NTM: variants seen among roughly 807,000 people sequenced by gnomAD.
The protein encoded by NTM is neurotrimin.
NTM carries 13 observed loss-of-function variants against 42.1 expected under a neutral mutation model. The observed-to-expected ratio is 0.31, with a 90% CI of 0.20 to 0.49. The LOEUF is 0.49. NTM is among the 20% of genes least tolerant of loss of function. The pLI is 0.99. For synonymous variants in NTM, 187 were observed against 179.2 expected, an observed-to-expected ratio of 1.04 and a Z score of -0.35; for missense variants, 373 against 452.8, an observed-to-expected ratio of 0.82 and a Z score of 1.60.
chr11:132,004,264 T>C (rs1390555383), intron 2 of NTM, among the ~76,000 whole-genome samples: 1 of 152,198 alleles, frequency 6.6e-6, no homozygotes, highest in Non-Finnish European at 1.5e-5. Flanking sequence ...ATTATATATA[T>C]TCAAAATACA....
chr11:131,417,063 G>T (rs1947036262), intron 1 of NTM, among the ~76,000 whole-genome samples: 1 of 152,024 alleles, frequency 6.6e-6, no homozygotes, highest in Non-Finnish European at 1.5e-5. Flanking sequence ...TAGTTTAATG[G>T]CTAATGAATT....
Position 131,790,944 on chromosome 11 carries a change from C to A in NTM, c.83-120620C>A, listed in dbSNP as rs145111768. Among the ~76,000 whole-genome samples the A allele has an allele frequency of 5.4e-4, 83 of 152,312 alleles. 2 individuals are homozygous for A. The highest frequency in any genetic ancestry group is 1.8e-3 in the African/African-American group (73 of 41,576). ...AGCAATCTCTATCACACTCAGAATA[C>A]AAATAGCAGCAATAACTACTACTAA... On this transcript the variant is annotated intron_variant, in intron 1 of 8. Transcript: ENST00000683400.
chr11:132,114,705 C>A (rs565263502), intron 2 of NTM, among the ~76,000 whole-genome samples: 28 of 152,312 alleles, frequency 1.8e-4, no homozygotes, highest in African/African-American at 5.1e-4. Flanking sequence ...TCTTGGAGAT[C>A]ATCAAGTTTA....
At chr11:131,494,388 A>G (rs144425317) in intron 1 of NTM, among the ~76,000 whole-genome samples, 178 of 152,348 alleles carry the variant, frequency 1.2e-3, no homozygotes, top group African/African-American at 4.1e-3. Context: ...GTGCCATGGA[A>G]TATAAAATCC....
intron 1 of NTM, among the ~76,000 whole-genome samples, chr11:131,838,330 A>G (rs1289794335): frequency 1.3e-5 from 2 of 152,178 alleles, no homozygotes; most frequent in Admixed American, 1.3e-4. Context: ...TGGGAAACAC[A>G]AAAATAGTAC....
At chr11:131,512,220 C>T (rs1272176586) in intron 1 of NTM, among the ~76,000 whole-genome samples, 2 of 152,352 alleles carry the variant, frequency 1.3e-5, no homozygotes, top group African/African-American at 2.4e-5. Flanking sequence ...TGCATGCACA[C>T]GGTGGCATGT....
intron 2 of NTM, among the ~76,000 whole-genome samples, chr11:132,111,313 T>A (rs925251343): frequency 6.6e-6 from 1 of 151,766 alleles, no homozygotes; most frequent in Non-Finnish European, 1.5e-5. Context: ...TACATATATA[T>A]TTTTTCTTGA....
At chr11:132,315,435 A>T (rs984125362) in intron 7 of NTM, among the ~76,000 whole-genome samples, 4 of 152,152 alleles carry the variant, frequency 2.6e-5, no homozygotes, top group African/African-American at 7.2e-5. Context: ...ATGAACGCAG[A>T]TTCTCCCTAA....
At chr11:131,391,250 T>C (rs918656607) in intron 1 of NTM, among the ~76,000 whole-genome samples, 2 of 152,110 alleles carry the variant, frequency 1.3e-5, no homozygotes, top group African/African-American at 4.8e-5. Context: ...GTACCCTTAT[T>C]CATTCTCACG....
At chr11:131,831,073 C>A (rs1338489922) in intron 1 of NTM, among the ~76,000 whole-genome samples, 1 of 152,094 alleles carries the variant, frequency 6.6e-6, no homozygotes, top group Non-Finnish European at 1.5e-5. Context: ...TTGGTAGAGT[C>A]TTTAGGGTTT....
intron 2 of NTM, among the ~76,000 whole-genome samples, chr11:131,995,873 G>A (rs1330402324): frequency 1.3e-5 from 2 of 151,556 alleles, no homozygotes; most frequent in Admixed American, 6.6e-5. Flanking sequence ...AGGAATTAAG[G>A]CAGGTAAGGG....
chr11:132,027,491 T>A (rs1158080394), intron 2 of NTM, among the ~76,000 whole-genome samples: 1 of 152,246 alleles, frequency 6.6e-6, no homozygotes, highest in East Asian at 1.9e-4. Flanking sequence ...CTTTCACCTT[T>A]GACGAATAAT....
intron 2 of NTM, among the ~76,000 whole-genome samples, chr11:132,076,774 G>T (rs2058422788): frequency 6.6e-6 from 1 of 152,034 alleles, no homozygotes; most frequent in African/African-American, 2.4e-5. Context: ...TTATTGCATA[G>T]GGCTACATTG....
chr11:131,464,577 GCCCCCTCCCCAACT>G (rs1951717389), intron 1 of NTM, among the ~76,000 whole-genome samples: 1 of 151,524 alleles, frequency 6.6e-6, no homozygotes, highest in Admixed American at 6.6e-5. Context: ...TTTCCTTACT[GCCCCCTCCCCAACT>G]CCCAATTTGG....
intron 1 of NTM, among the ~76,000 whole-genome samples, chr11:131,887,540 T>G (rs1456200029): frequency 6.6e-6 from 1 of 152,218 alleles, no homozygotes; most frequent in Non-Finnish European, 1.5e-5. Context: ...CTACAAATTA[T>G]CTGATTCCGC....
intron 2 of NTM, among the ~76,000 whole-genome samples, chr11:131,934,971 C>A (rs2059052721): frequency 6.6e-6 from 1 of 152,204 alleles, no homozygotes; most frequent in South Asian, 2.1e-4. Flanking sequence ...CAGGACGCTG[C>A]TGCCTGGCCT....
intron 1 of NTM, among the ~76,000 whole-genome samples, chr11:131,826,524 T>C (rs1486443325): frequency 3.3e-5 from 5 of 150,270 alleles, no homozygotes. Flanking sequence ...ATAGACAGGC[T>C]TGGACAGTCA....
chr11:131,776,644 T>G (rs371893884), intron 1 of NTM, among the ~76,000 whole-genome samples: 23 of 152,276 alleles, frequency 1.5e-4, no homozygotes, highest in African/African-American at 5.1e-4. Context: ...TAGGGTAACG[T>G]TAGCTGCTGC....
chr11:131,795,400 A>G, intron 1 of NTM: 1 of 984,540 alleles, frequency 1.0e-6, no homozygotes, highest in Non-Finnish European at 1.2e-6. Flanking sequence ...GGGAATAGTG[A>G]TATTTTAGGA....
Sources: allele counts gnomAD v4.1 joint callset (sites outside exome capture counted in the v4.1 genomes callset), GRCh38; gene constraint gnomAD v4.1.1; transcripts MANE v1.5; gene names NCBI Gene and HGNC (gene_info 2026-07-23, HGNC 2026-07-21).